The following SDK1 variants were observed in gnomAD, a reference collection of about 807,000 sequenced individuals.
The protein encoded by SDK1 is sidekick cell adhesion molecule 1.
Under a neutral mutation model 245.5 loss-of-function variants are expected in SDK1, and 157 were observed. That is an observed-to-expected ratio of 0.64 (90% CI 0.56 to 0.73). The LOEUF (loss-of-function observed/expected upper bound fraction) is 0.73, where lower values mean the gene tolerates loss of function less well. Among genes scored for constraint, SDK1 ranks in the 30% least tolerant of loss-of-function variants. The pLI, the probability that SDK1 is intolerant of heterozygous loss-of-function variation, is 0.00. For synonymous variants in SDK1, 1,647 were observed against 1,278.5 expected, an observed-to-expected ratio of 1.29 and a Z score of -6.15; for missense variants, 3,583 against 3,002.3, an observed-to-expected ratio of 1.19 and a Z score of -4.52.
intron 1 of SDK1, among the ~76,000 whole-genome samples, chr7:3,305,002 A>G (rs920711051): frequency 5.3e-5 from 8 of 152,166 alleles, no homozygotes; most frequent in South Asian, 2.1e-4. Context: ...GTGAGGCCAC[A>G]TGGCTTGATT....
At chr7:3,686,500 T>C (rs1401661991) in intron 4 of SDK1, among the ~76,000 whole-genome samples, 1 of 152,226 alleles carries the variant, frequency 6.6e-6, no homozygotes, top group East Asian at 1.9e-4. Flanking sequence ...AGGACACATA[T>C]GCCTGTCACT....
At chr7:3,458,329 A>C (rs1479104623) in intron 1 of SDK1, among the ~76,000 whole-genome samples, 2 of 152,064 alleles carry the variant, frequency 1.3e-5, no homozygotes, top group East Asian at 3.9e-4. Flanking sequence ...TAAGCTCTAA[A>C]AGTAGAGGGA....
chr7:3,843,989 TAGAC>T (rs898343629), intron 5 of SDK1, among the ~76,000 whole-genome samples: 6 of 152,018 alleles, frequency 3.9e-5, no homozygotes, highest in Non-Finnish European at 5.9e-5. Flanking sequence ...ATTTATTTAT[TAGAC>T]AGAGTCTCAC....
intron 5 of SDK1, among the ~76,000 whole-genome samples, chr7:3,824,512 C>T (rs994255452): frequency 2.4e-4 from 36 of 152,114 alleles, no homozygotes; most frequent in African/African-American, 8.5e-4. Flanking sequence ...CATGCAGCCC[C>T]GCCTCTTGTT....
intron 2 of SDK1, among the ~76,000 whole-genome samples, chr7:3,621,591 G>T (rs1781940193): frequency 6.6e-6 from 1 of 152,188 alleles, no homozygotes; most frequent in Non-Finnish European, 1.5e-5. Flanking sequence ...TTTCCACATG[G>T]ATGTTTTCTG....
intron 28 of SDK1, among the ~76,000 whole-genome samples, chr7:4,142,592 G>T (rs1395569967): frequency 6.6e-6 from 1 of 152,112 alleles, no homozygotes; most frequent in African/African-American, 2.4e-5. Context: ...CTCCCAAAGT[G>T]CTGAGATTAC....
At chr7:3,734,048 C>T (rs1181130390) in intron 4 of SDK1, among the ~76,000 whole-genome samples, 1 of 152,216 alleles carries the variant, frequency 6.6e-6, no homozygotes, top group Non-Finnish European at 1.5e-5. Context: ...CCTGGCTGTG[C>T]CCTGGACCCA....
intron 1 of SDK1, among the ~76,000 whole-genome samples, chr7:3,539,167 C>T (rs1262819405): frequency 6.6e-6 from 1 of 152,166 alleles, no homozygotes; most frequent in African/African-American, 2.4e-5. Flanking sequence ...TTTCTATCCC[C>T]AAGTTAGGGG....
intron 1 of SDK1, among the ~76,000 whole-genome samples, chr7:3,374,777 A>G (rs1387029085): frequency 1.3e-5 from 2 of 152,026 alleles, no homozygotes; most frequent in Non-Finnish European, 2.9e-5. Flanking sequence ...ATTCAGTAAT[A>G]TTTCTTCAAA....
intron 38 of SDK1, among the ~76,000 whole-genome samples, chr7:4,212,774 C>A (rs749331154): frequency 6.6e-5 from 10 of 152,254 alleles, no homozygotes; most frequent in Non-Finnish European, 8.8e-5. Context: ...CAACGAGGAC[C>A]ATTTAAATGA....
chr7:3,344,979 T>A (rs897430985), intron 1 of SDK1, among the ~76,000 whole-genome samples: 1 of 152,226 alleles, frequency 6.6e-6, no homozygotes, highest in African/African-American at 2.4e-5. Context: ...GGACAACTTA[T>A]GTAAAAATCT....
At position 3,327,179 on chromosome 7, in the gene SDK1, C is replaced by A. The variant is rs142992682; in HGVS notation, c.298+25295C>A. ...ATGAGCATTTCCAGAAGAGAGTGAC[C>A]AGCATGGTGATATTAGAGAATAGTG... On this transcript the variant is annotated intron_variant, in intron 1 of 44. Coordinates refer to ENST00000404826, the MANE Select transcript of SDK1 (RefSeq NM_152744.4). 1.3e-3 allele frequency among the ~76,000 whole-genome samples: 201 copies of A among 152,094 alleles called. 1 individual carries two copies. Among genetic ancestry groups the A allele is most frequent in the African/African-American group, 4.7e-3 (193 of 41,498 alleles).
chr7:4,012,361 GA>G, intron 16 of SDK1, 126 bp downstream of exon 16: 3 of 1,041,950 alleles, frequency 2.9e-6, no homozygotes, highest in Non-Finnish European at 3.9e-6. Context: ...CCAGGTGTGA[GA>G]TGTTAGGGAG....
chr7:4,264,535 C>T (rs1296514375), intron 44 of SDK1, among the ~76,000 whole-genome samples: 4 of 112,516 alleles, frequency 3.6e-5, no homozygotes, highest in Non-Finnish European at 5.3e-5. Context: ...AGGGAGGCCG[C>T]GTGGACCTCT....
At chr7:4,043,083 C>G (rs1374493807) in intron 17 of SDK1, among the ~76,000 whole-genome samples, 1 of 151,832 alleles carries the variant, frequency 6.6e-6, no homozygotes, top group Non-Finnish European at 1.5e-5. Context: ...GAATCTGACA[C>G]CAGGGAGCCC....
At chr7:3,611,252 C>T (rs1377899184) in intron 1 of SDK1, among the ~76,000 whole-genome samples, 1 of 152,048 alleles carries the variant, frequency 6.6e-6, no homozygotes, top group East Asian at 1.9e-4. Context: ...AGAAACAAAG[C>T]CTGGGAATTT....
chr7:3,537,599 A>G (rs373174208), intron 1 of SDK1, among the ~76,000 whole-genome samples: 1 of 152,238 alleles, frequency 6.6e-6, no homozygotes, highest in South Asian at 2.1e-4. Context: ...TTAAAAAATA[A>G]TCCAGTTTTT....
intron 5 of SDK1, among the ~76,000 whole-genome samples, chr7:3,855,401 A>G (rs1020952718): frequency 6.6e-6 from 1 of 152,164 alleles, no homozygotes; most frequent in African/African-American, 2.4e-5. Flanking sequence ...GGAGAGGTGC[A>G]AGAACATATT....
At chr7:3,305,808 AGCCACCT>A (rs59642097) in intron 1 of SDK1, among the ~76,000 whole-genome samples, 20,798 of 152,148 alleles carry the variant, frequency 0.14, 2,132 homozygotes, top group African/African-American at 0.28. Flanking sequence ...CAGTCTGCAT[AGCCACCT>A]GTAGCTGTCC....
Sources: allele counts gnomAD v4.1 joint callset (sites outside exome capture counted in the v4.1 genomes callset), GRCh38; gene constraint gnomAD v4.1.1; transcripts MANE v1.5; gene names NCBI Gene and HGNC (gene_info 2026-07-23, HGNC 2026-07-21).